The following RFX3 variants were observed in gnomAD, a reference collection of about 807,000 sequenced individuals.
RFX3 encodes transcription factor RFX3.
A neutral mutation model predicts 98.6 loss-of-function variants in RFX3; 14 were observed. The observed-to-expected ratio is 0.14, with a 90% CI of 0.09 to 0.22. RFX3 has a LOEUF of 0.22. RFX3 is among the 10% of genes least tolerant of loss of function. The pLI, the probability that RFX3 is intolerant of heterozygous loss-of-function variation, is 1.00. For synonymous variants in RFX3, 383 were observed against 328.4 expected (o/e 1.17, Z -1.80); for missense variants, 639 against 926.9 (o/e 0.69, Z 4.03).
Position 3,330,327 on chromosome 9 carries a change from G to A in RFX3, c.406C>T (p.Leu136=). 1 of 1,614,140 alleles carries A rather than the reference G, an allele frequency of 6.2e-7. No individual in the cohort carries two copies. Among genetic ancestry groups the A allele is most frequent in the Non-Finnish European group, 8.5e-7 (1 of 1,180,004 alleles). The change falls in exon 4 of 17, where the codon CTG becomes TTG. Residue 136 remains leucine (L), a synonymous_variant. Transcript: ENST00000617270. ...GAATTCTCCATTGAGTTGCCGATCA[G>A]ATAGGTTCCTCCAGAGCTGCTGATG... is the stretch of plus-strand genomic sequence containing the variant. ...QLISSSGGTY[L]IGNSMENSGH... is the part of the protein sequence containing the mutation.
intron 11 of RFX3, among the ~76,000 whole-genome samples, chr9:3,266,791 T>A (rs1823697947): frequency 6.6e-6 from 1 of 152,090 alleles, no homozygotes; most frequent in Non-Finnish European, 1.5e-5. Context: ...TTAGAATCTG[T>A]GAATTAGAGT....
intron 1 of RFX3, among the ~76,000 whole-genome samples, chr9:3,447,769 G>A (rs1027470858): frequency 2.6e-5 from 4 of 152,144 alleles, no homozygotes; most frequent in African/African-American, 9.6e-5. Flanking sequence ...ATTCATAAGA[G>A]AATCAGAATC....
intron 2 of RFX3, among the ~76,000 whole-genome samples, chr9:3,369,979 C>A (rs1837635422): frequency 6.7e-6 from 1 of 150,306 alleles, no homozygotes; most frequent in Non-Finnish European, 1.5e-5. Flanking sequence ...CAGGCGCCCG[C>A]CACTACGCCC....
At chr9:3,471,111 C>G (rs1489585117) in intron 1 of RFX3, among the ~76,000 whole-genome samples, 1 of 151,950 alleles carries the variant, frequency 6.6e-6, no homozygotes, top group East Asian at 1.9e-4. Context: ...GGTGCTTTGG[C>G]CCAAAGCACC....
intron 1 of RFX3, among the ~76,000 whole-genome samples, chr9:3,497,916 C>T (rs1415599785): frequency 6.6e-6 from 1 of 151,960 alleles, no homozygotes; most frequent in Non-Finnish European, 1.5e-5. Context: ...CTGCTCTTTA[C>T]TGTAATTGCC....
In RFX3 at chr9:3,476,627, AT is replaced by A. The variant is rs533277477; in HGVS notation, c.-9+49119del. On this transcript the variant is annotated intron_variant, in intron 1 of 16. Coordinates refer to ENST00000617270, the MANE Select transcript of RFX3 (RefSeq NM_001282116.2). ...GTATTATAAATTCCAGAAGAGAACC[AT>A]ATCTGTAAAACTATGAAGGAATCCA... Among the ~76,000 whole-genome samples, 55 of 152,340 alleles carry A rather than the reference AT, an allele frequency of 3.6e-4. 1 individual carries two copies. The highest frequency in any genetic ancestry group is 1.3e-3 in the African/African-American group (54 of 41,582).
At chr9:3,463,751 G>A (rs1219861544) in intron 1 of RFX3, among the ~76,000 whole-genome samples, 5 of 151,966 alleles carry the variant, frequency 3.3e-5, no homozygotes, top group African/African-American at 1.2e-4. Flanking sequence ...CAGGAGGATC[G>A]TTTGAGCCTA....
rs1036175009 is a variant in RFX3, at chr9:3,523,538, A to C, written c.-9+2209T>G. The stretch of plus-strand genomic sequence containing the variant: ...GAAAATCTAAATCACAGAAAACCTG[A>C]GCTATACATGAGTGAAATGCCTCAA... On this transcript the variant is annotated intron_variant, in intron 1 of 16. Coordinates refer to ENST00000617270, the MANE Select transcript of RFX3 (RefSeq NM_001282116.2). 2.0e-5 allele frequency among the ~76,000 whole-genome samples: 3 copies of C among 152,202 alleles called. No individual in the cohort carries two copies. The East Asian group carries it at 5.8e-4, about 29-fold the overall frequency.
intron 2 of RFX3, among the ~76,000 whole-genome samples, chr9:3,372,830 C>G (rs1196999325): frequency 6.6e-6 from 1 of 152,076 alleles, no homozygotes; most frequent in African/African-American, 2.4e-5. Context: ...AAGTGATCCG[C>G]CCAACTTGGC....
At chr9:3,414,886 A>G (rs1394747179) in intron 1 of RFX3, among the ~76,000 whole-genome samples, 1 of 137,876 alleles carries the variant, frequency 7.3e-6, no homozygotes, top group Non-Finnish European at 1.5e-5. Context: ...GAGTATATAT[A>G]AGTATATATA....
chr9:3,232,188 C>A (rs1818560222), intron 15 of RFX3, among the ~76,000 whole-genome samples: 1 of 152,134 alleles, frequency 6.6e-6, no homozygotes, highest in African/African-American at 2.4e-5. Flanking sequence ...ATTGGGAAAA[C>A]TTACTGTTTT....
At chr9:3,319,247 C>G (rs902463883) in intron 4 of RFX3, among the ~76,000 whole-genome samples, 24 of 151,648 alleles carry the variant, frequency 1.6e-4, no homozygotes, top group African/African-American at 5.6e-4. Context: ...GGCCCTTGCC[C>G]ACACTGACTG....
intron 2 of RFX3, among the ~76,000 whole-genome samples, chr9:3,393,252 G>C (rs1027755264): frequency 6.6e-6 from 1 of 152,134 alleles, no homozygotes; most frequent in African/African-American, 2.4e-5. Context: ...GGAGTGGTTT[G>C]TGGGAGAATG....
At position 3,221,915 on chromosome 9, in the gene RFX3, T is replaced by C. The variant is rs191327180; in HGVS notation, c.*3127A>G. The C allele has an allele frequency of 1.5e-4, 23 of 152,146 alleles. No homozygotes were observed. The highest frequency in any genetic ancestry group is 2.6e-4 in the Non-Finnish European group (18 of 68,006). 9.4% of individuals were successfully genotyped at this position (152,146 alleles called of 1,614,324 possible). A position where few individuals can be genotyped will look rare whatever the true frequency, so the allele number is the denominator to read the frequency against. ...TGTAGGTATATTTCATGACTAGTGA[T>C]TGGTTATAATTGCAAGAAATACAAA... On this transcript the variant is annotated 3_prime_UTR_variant, in exon 17 of 17. Transcript: ENST00000617270.
intron 1 of RFX3, among the ~76,000 whole-genome samples, chr9:3,520,457 A>G (rs1443284168): frequency 6.6e-6 from 1 of 152,196 alleles, no homozygotes; most frequent in Non-Finnish European, 1.5e-5. Flanking sequence ...TGCTGTGAAA[A>G]GAGTCGATGA....
chr9:3,357,445 C>G (rs1011595276), intron 2 of RFX3, among the ~76,000 whole-genome samples: 1 of 151,786 alleles, frequency 6.6e-6, no homozygotes, highest in Non-Finnish European at 1.5e-5. Flanking sequence ...TTTGCAGTTA[C>G]AATTACAAGA....
chr9:3,441,022 C>T (rs1845561632), intron 1 of RFX3, among the ~76,000 whole-genome samples: 1 of 152,040 alleles, frequency 6.6e-6, no homozygotes, highest in African/African-American at 2.4e-5. Context: ...AATGGATATC[C>T]ATATTTTCAA....
At chr9:3,507,233 G>C (rs1164834673) in intron 1 of RFX3, among the ~76,000 whole-genome samples, 1 of 151,798 alleles carries the variant, frequency 6.6e-6, no homozygotes, top group Admixed American at 6.6e-5. Context: ...TCAAGTTAGG[G>C]ACCACTCAAA....
At chr9:3,271,791 C>A (rs1239333563) in intron 9 of RFX3, among the ~76,000 whole-genome samples, 1 of 152,150 alleles carries the variant, frequency 6.6e-6, no homozygotes, top group African/African-American at 2.4e-5. Flanking sequence ...AGGCAGCTGA[C>A]CACAGGTTCC....
Sources: allele counts gnomAD v4.1 joint callset (sites outside exome capture counted in the v4.1 genomes callset), GRCh38; gene constraint gnomAD v4.1.1; transcripts MANE v1.5; gene names NCBI Gene and HGNC (gene_info 2026-07-23, HGNC 2026-07-21).